Variants in PTGER3 observed in about 807,000 individuals in gnomAD.
The protein encoded by PTGER3 is prostaglandin E receptor 3.
Under a neutral mutation model 34.7 loss-of-function variants are expected in PTGER3, and 22 were observed. That is an observed-to-expected ratio of 0.63 (90% confidence interval 0.45 to 0.91). PTGER3 has a LOEUF of 0.91. Ranked by LOEUF, PTGER3 falls within the 40% of genes least tolerant of loss-of-function variation. The pLI, the probability that PTGER3 is intolerant of heterozygous loss-of-function variation, is 0.00. For missense variants in PTGER3, 468 were observed against 519.4 expected (o/e 0.90, Z 0.96); for synonymous variants, 241 against 230.1 (o/e 1.05, Z -0.43).
rs34411077 is a variant in PTGER3, at chr1:71,046,285, C to CAAA, written c.897+393_897+395dup. Among the ~76,000 whole-genome samples the CAAA allele has an allele frequency of 3.8e-3, 309 of 80,584 alleles. 9 individuals are homozygous for CAAA. Among genetic ancestry groups the CAAA allele is most frequent in the African/African-American group, 7.2e-3 (140 of 19,372 alleles). The allele number at this position is 80,584 out of a possible 152,430, so 52.9% of individuals were successfully genotyped here. A position where few individuals can be genotyped will look rare whatever the true frequency, so the allele number is the denominator to read the frequency against. On this transcript the variant is annotated intron_variant, in intron 1 of 3. Coordinates refer to ENST00000306666, the MANE Select transcript of PTGER3 (RefSeq NM_198719.2). ...TGGGTGACAGAGCGAGACTCCGTCT[C>CAAA]AAAAAAAAAAAAAAAAAAAAACCCC... is the stretch of plus-strand genomic sequence containing the variant.
intron 2 of PTGER3, among the ~76,000 whole-genome samples, chr1:70,994,521 G>C (rs910202077): frequency 6.6e-6 from 1 of 151,454 alleles, no homozygotes; most frequent in Admixed American, 6.6e-5. Flanking sequence ...GCAGTAGTGC[G>C]ATCTTGGCCC....
At chr1:70,986,033 A>G (rs1450112847) in intron 2 of PTGER3, among the ~76,000 whole-genome samples, 2 of 152,160 alleles carry the variant, frequency 1.3e-5, no homozygotes, top group Non-Finnish European at 2.9e-5. Context: ...GCTTACAGTA[A>G]AGAAGCTGGC....
At chr1:70,976,498 A>C (rs1252305412) in intron 2 of PTGER3, among the ~76,000 whole-genome samples, 3 of 152,134 alleles carry the variant, frequency 2.0e-5, no homozygotes, top group African/African-American at 7.2e-5. Flanking sequence ...CTGCTCCAAA[A>C]AATAAATTCC....
At chr1:70,979,697 C>T (rs568635101) in intron 2 of PTGER3, among the ~76,000 whole-genome samples, 3 of 152,164 alleles carry the variant, frequency 2.0e-5, no homozygotes, top group Non-Finnish European at 2.9e-5. Context: ...GGCTGGGGAC[C>T]GTCCTTCCAT....
intron 2 of PTGER3, among the ~76,000 whole-genome samples, chr1:70,999,921 G>A (rs903376637): frequency 6.6e-6 from 1 of 152,150 alleles, no homozygotes; most frequent in Non-Finnish European, 1.5e-5. Context: ...ATCAAACAAG[G>A]AAGGATCTAA....
chr1:70,877,851 A>G (rs1646305861), intron 4 of PTGER3, among the ~76,000 whole-genome samples: 1 of 152,166 alleles, frequency 6.6e-6, no homozygotes, highest in African/African-American at 2.4e-5. Flanking sequence ...TTGGTTTGCT[A>G]GTATTTCATT....
At chr1:71,021,626 A>G (rs1368504237) in intron 1 of PTGER3, among the ~76,000 whole-genome samples, 2 of 151,830 alleles carry the variant, frequency 1.3e-5, no homozygotes, top group Non-Finnish European at 2.9e-5. Context: ...CTTAGATTTC[A>G]GAGTTTTTTC....
At chr1:70,967,746 AC>A (rs1266680421), downstream of PTGER3, among the ~76,000 whole-genome samples, 1 of 151,934 alleles carries the variant, frequency 6.6e-6, no homozygotes, top group South Asian at 2.1e-4. Flanking sequence ...ATGTTGAAAA[AC>A]TTTTTCTCTT....
intron 1 of PTGER3, among the ~76,000 whole-genome samples, chr1:71,024,770 G>C (rs1360917433): frequency 1.3e-5 from 2 of 150,678 alleles, no homozygotes; most frequent in Non-Finnish European, 2.9e-5. Context: ...GACCAGGCTG[G>C]TCTTGAACTA....
At chr1:71,041,015 G>A (rs759367336) in intron 1 of PTGER3, among the ~76,000 whole-genome samples, 7 of 152,164 alleles carry the variant, frequency 4.6e-5, no homozygotes, top group Non-Finnish European at 1.0e-4. Context: ...TTCACAGAGA[G>A]TTCCCATGTT....
At position 70,952,978 on chromosome 1, in the gene PTGER3, TG is replaced by T. The variant is rs568967213; in HGVS notation, c.1185del (p.Asn395LysfsTer9). 7.8e-3 allele frequency: 12,614 copies of T among 1,613,250 alleles called. 68 individuals are homozygous for T. Among genetic ancestry groups the T allele is most frequent in the Non-Finnish European group, 9.4e-3 (11,134 of 1,179,416 alleles). ...CTCACGAGTACCTCCATTTCTTCTC[TG>T]TTCAGCACACGATAGGTTTGTACTT... On this transcript the variant is annotated frameshift_variant, in exon 4 of 4. Transcript: ENST00000356595. LOFTEE classifies it low-confidence loss of function (END_TRUNC).
chr1:70,983,299 G>A (rs77036704), intron 2 of PTGER3, among the ~76,000 whole-genome samples: 1 of 138,044 alleles, frequency 7.2e-6, no homozygotes, highest in African/African-American at 2.7e-5. Context: ...AAAAAACAAC[G>A]GAACTTTCTA....
chr1:70,935,163 G>T (rs1469332979), intron 4 of PTGER3, among the ~76,000 whole-genome samples: 2 of 152,118 alleles, frequency 1.3e-5, no homozygotes, highest in Admixed American at 1.3e-4. Flanking sequence ...TGTTTGGGAA[G>T]AAGCACATTA....
chr1:70,907,657 G>A (rs772795072), intron 4 of PTGER3, among the ~76,000 whole-genome samples: 2 of 152,210 alleles, frequency 1.3e-5, no homozygotes, highest in Non-Finnish European at 2.9e-5. Flanking sequence ...TCAGGCATGA[G>A]CATGTCCGGG....
intron 2 of PTGER3, among the ~76,000 whole-genome samples, chr1:70,977,909 C>G (rs2100707450): frequency 6.6e-6 from 1 of 152,240 alleles, no homozygotes; most frequent in Non-Finnish European, 1.5e-5. Flanking sequence ...CTCCTTTTAG[C>G]TCCCTCCTAA....
intron 2 of PTGER3, chr1:71,008,285 AG>A (rs1657142073): frequency 1.1e-6 from 1 of 898,620 alleles, no homozygotes; most frequent in Non-Finnish European, 1.3e-6. Flanking sequence ...TTCTCAGTAA[AG>A]AAAATGTGTG....
At chr1:70,910,451 C>T (rs569731344) in intron 4 of PTGER3, among the ~76,000 whole-genome samples, 1 of 152,096 alleles carries the variant, frequency 6.6e-6, no homozygotes, top group South Asian at 2.1e-4. Context: ...GTCAGTCATC[C>T]AGACTGGAGT....
At chr1:70,992,708 C>T (rs1001565390) in intron 2 of PTGER3, among the ~76,000 whole-genome samples, 4 of 152,168 alleles carry the variant, frequency 2.6e-5, no homozygotes, top group Non-Finnish European at 5.9e-5. Flanking sequence ...CAACCAAGGA[C>T]ATCGATTTCA....
chr1:71,023,861 C>A (rs767931224), intron 1 of PTGER3, among the ~76,000 whole-genome samples: 1 of 151,750 alleles, frequency 6.6e-6, no homozygotes, highest in African/African-American at 2.4e-5. Flanking sequence ...CTCATTTACA[C>A]CCCCAATTGA....
Sources: allele counts gnomAD v4.1 joint callset (sites outside exome capture counted in the v4.1 genomes callset), GRCh38; gene constraint gnomAD v4.1.1; transcripts MANE v1.5; gene names NCBI Gene and HGNC (gene_info 2026-07-23, HGNC 2026-07-21).